The following PJA2 variants were observed in gnomAD, a reference collection of about 807,000 sequenced individuals.
PJA2 encodes praja ring finger ubiquitin ligase 2.
In PJA2, 25 loss-of-function variants were observed where a neutral mutation model predicts 69.3. The observed-to-expected ratio is 0.36, with a 90% CI of 0.26 to 0.50. The LOEUF is 0.50. PJA2 is among the 20% of genes least tolerant of loss of function. The probability of loss-of-function intolerance (pLI) is 0.96; values close to 1 mark genes in which losing one functional copy is unlikely to be tolerated. For synonymous variants in PJA2, 308 were observed against 277.8 expected (o/e 1.11, Z -1.08); for missense variants, 809 against 830.2 (o/e 0.97, Z 0.31).
At chr5:109,367,351 T>C (rs1028008420) in intron 5 of PJA2, among the ~76,000 whole-genome samples, 2 of 149,504 alleles carry the variant, frequency 1.3e-5, no homozygotes, top group Non-Finnish European at 2.9e-5. Context: ...CTTTGAGAAG[T>C]ACAAGTTTTA....
rs1226814868 is a variant in PJA2, at chr5:109,362,933, G to C, written c.1559C>G (p.Ala520Gly). 6.2e-7 allele frequency: 1 copy of C among 1,613,650 alleles called. No individual in the cohort carries two copies. Among genetic ancestry groups the C allele is most frequent in the African/African-American group, 1.3e-5 (1 of 74,910 alleles). ...GAAAGCTGGCTGTGCAAATTCATTG[G>C]CAGGTTCATTTCCCTCATCACTGCT... ...ESSSDEGNEP[A>G]NEFAQPAFML... The change falls in exon 6 of 10, where the codon GCC becomes GGC. Residue 520 changes from alanine (A) to glycine (G), a missense_variant. By Grantham distance (60) the Ala-to-Gly change is moderately conservative (BLOSUM62 0). Around this residue, in one of 4 missense-constraint regions of PJA2, gnomAD observed 700 missense variants for 639.5 expected, o/e 1.09. Coordinates refer to ENST00000361189, the MANE Select transcript of PJA2 (RefSeq NM_014819.5).
At chr5:109,374,799 G>A (rs991732746) in intron 4 of PJA2, among the ~76,000 whole-genome samples, 1 of 152,194 alleles carries the variant, frequency 6.6e-6, no homozygotes, top group African/African-American at 2.4e-5. Flanking sequence ...TAGATGGCAT[G>A]CCTCTCTTCA....
intron 4 of PJA2, among the ~76,000 whole-genome samples, chr5:109,376,961 A>G (rs150136172): frequency 1.0e-3 from 155 of 152,290 alleles, no homozygotes; most frequent in African/African-American, 3.5e-3. Flanking sequence ...ACATCAGGTC[A>G]GGCTTTGTGG....
chr5:109,347,605 A>G (rs746324135), intron 7 of PJA2, among the ~76,000 whole-genome samples: 18 of 152,234 alleles, frequency 1.2e-4, no homozygotes, highest in Non-Finnish European at 2.2e-4. Context: ...CTCTTGCCCC[A>G]GAGGGCAGAT....
intron 5 of PJA2, among the ~76,000 whole-genome samples, chr5:109,368,156 T>C (rs1014842178): frequency 5.3e-5 from 8 of 152,220 alleles, no homozygotes; most frequent in East Asian, 1.9e-4. Flanking sequence ...TCTCATCCAA[T>C]GCAATTAGAC....
At chr5:109,374,880 C>G (rs763923385) in intron 4 of PJA2, among the ~76,000 whole-genome samples, 6 of 152,130 alleles carry the variant, frequency 3.9e-5, no homozygotes, top group Non-Finnish European at 7.3e-5. Context: ...AGATCTTGTC[C>G]TCAAACAGTT....
intron 4 of PJA2, among the ~76,000 whole-genome samples, chr5:109,372,970 T>A (rs1762701673): frequency 7.1e-6 from 1 of 141,416 alleles, no homozygotes; most frequent in South Asian, 2.4e-4. Context: ...GGTGCACACC[T>A]GTAGTCCCAG....
intron 1 of PJA2, among the ~76,000 whole-genome samples, chr5:109,407,711 C>G (rs892138472): frequency 5.9e-5 from 9 of 151,672 alleles, no homozygotes; most frequent in Admixed American, 3.9e-4. Context: ...CCAGAGAAAA[C>G]AGAGAGAGAG....
intron 8 of PJA2, 140 bp from the exon 9 acceptor site, chr5:109,344,451 G>T: frequency 1.1e-6 from 1 of 932,902 alleles, no homozygotes; most frequent in Non-Finnish European, 1.6e-6. Flanking sequence ...AGGCATTTCT[G>T]TCTAATACTT....
At chr5:109,357,239 A>G (rs1182156408) in intron 6 of PJA2, among the ~76,000 whole-genome samples, 1 of 152,028 alleles carries the variant, frequency 6.6e-6, no homozygotes, top group Admixed American at 6.6e-5. Flanking sequence ...AAGACAAACT[A>G]AACTTGTTGA....
At position 109,378,250 on chromosome 5, in the gene PJA2, T is replaced by A; in HGVS notation, c.1237A>T (p.Asn413Tyr). The A allele has an allele frequency of 6.2e-7, 1 of 1,613,880 alleles. No individual in the cohort carries two copies. The highest frequency in any genetic ancestry group is 8.5e-7 in the Non-Finnish European group (1 of 1,179,808). The change falls in exon 4 of 10, where the codon AAT becomes TAT. Residue 413 changes from asparagine to tyrosine, a missense_variant. This residue lies in a region of PJA2 where 700 missense variants were observed against 639.5 expected (regional missense o/e 1.09). Coordinates refer to ENST00000361189, the MANE Select transcript of PJA2 (RefSeq NM_014819.5). ...AGTTGGTAATAATCTCCACAGCCAT[T>A]CCAAAAGGTGTTATCCACCTCTTGC... Reference protein sequence around the residue: ...GRQEVDNTFWNGCGDYYQLYD... With the variant: ...GRQEVDNTFWYGCGDYYQLYD...
At chr5:109,343,301 G>A (rs1047604844) in intron 9 of PJA2, among the ~76,000 whole-genome samples, 467 of 32,176 alleles carry the variant, frequency 0.015, no homozygotes, top group Middle Eastern at 0.048. Flanking sequence ...AAGAAAGAAA[G>A]AAAGAAAGAA....
At chr5:109,391,903 A>T (rs1747290607) in intron 1 of PJA2, among the ~76,000 whole-genome samples, 1 of 152,212 alleles carries the variant, frequency 6.6e-6, no homozygotes, top group Admixed American at 6.5e-5. Flanking sequence ...CCCTAGAAAG[A>T]AACCCAATGA....
chr5:109,396,180 A>C (rs1175979647), intron 1 of PJA2, among the ~76,000 whole-genome samples: 1 of 152,124 alleles, frequency 6.6e-6, no homozygotes, highest in Non-Finnish European at 1.5e-5. Context: ...TCATCATTAG[A>C]TATGATTACT....
intron 1 of PJA2, chr5:109,390,812 C>G (rs1048374138): frequency 3.9e-5 from 6 of 152,180 alleles, no homozygotes; most frequent in African/African-American, 1.4e-4. Context: ...TTCCTAGAAG[C>G]TCTAAATAAC....
chr5:109,354,166 A>G lies in PJA2; in HGVS notation c.1764+1749T>C, dbSNP rs555640266. On this transcript the variant is annotated intron_variant, in intron 7 of 9. Transcript: ENST00000361189. The stretch of plus-strand genomic sequence containing the variant: ...TAGATTAGATATCTATGATATCTAG[A>G]GATGTCTATAGATTAGATATCTATG... 2.9e-5 allele frequency among the ~76,000 whole-genome samples: 4 copies of G among 139,688 alleles called. No individual in the cohort carries two copies. The South Asian group carries it at 9.3e-4, about 33-fold the overall frequency. The allele number at this position is 139,688 out of a possible 152,430, so 91.6% of individuals were successfully genotyped here.
chr5:109,357,120 C>T (rs976778929), intron 6 of PJA2, among the ~76,000 whole-genome samples: 5 of 152,132 alleles, frequency 3.3e-5, no homozygotes, highest in Admixed American at 3.3e-4. Context: ...TCCTAAACTT[C>T]CCCCGAAGCT....
At chr5:109,405,970 A>T (rs1252696372) in intron 1 of PJA2, among the ~76,000 whole-genome samples, 1 of 151,784 alleles carries the variant, frequency 6.6e-6, no homozygotes, top group Non-Finnish European at 1.5e-5. Flanking sequence ...GTGTTTATGT[A>T]TCTCTGTGTG....
chr5:109,389,560 C>A (rs1462109088), intron 1 of PJA2, among the ~76,000 whole-genome samples: 1 of 151,800 alleles, frequency 6.6e-6, no homozygotes, highest in East Asian at 1.9e-4. Context: ...TACAGGTTTT[C>A]ATTTTTTAAA....
Sources: allele counts gnomAD v4.1 joint callset (sites outside exome capture counted in the v4.1 genomes callset), GRCh38; gene constraint gnomAD v4.1.1; regional missense constraint gnomAD v4.1.1; transcripts MANE v1.5; gene names NCBI Gene and HGNC (gene_info 2026-07-23, HGNC 2026-07-21).